The following SRPK2 variants were observed in gnomAD, a reference collection of about 807,000 sequenced individuals.
SRPK2 encodes the protein SRSF protein kinase 2, also known as SFRS protein kinase 2.
Under a neutral mutation model 90.8 loss-of-function variants are expected in SRPK2, and 21 were observed. The ratio of observed to expected loss-of-function variants is 0.23; its 90% CI spans 0.16 to 0.33. SRPK2 has a LOEUF of 0.33. Among genes scored for constraint, SRPK2 ranks in the 10% least tolerant of loss-of-function variants. SRPK2 has a pLI of 1.00. For missense variants in SRPK2, 620 were observed against 869.0 expected (o/e 0.71, Z 3.60); for synonymous variants, 288 against 311.1 (o/e 0.93, Z 0.78).
chr7:105,155,989 G>C (rs1563000526), intron 7 of SRPK2, among the ~76,000 whole-genome samples: 1 of 152,158 alleles, frequency 6.6e-6, no homozygotes, highest in Admixed American at 6.5e-5. Context: ...TAAGCTGGTA[G>C]ATTCCAGAGG....
chr7:105,348,425 CTTTTTTTTT>C (rs1198801071), intron 2 of SRPK2, among the ~76,000 whole-genome samples: 1 of 117,592 alleles, frequency 8.5e-6, no homozygotes, highest in African/African-American at 3.2e-5. Context: ...TTTTTTCTTT[CTTTTTTTTT>C]TTTTTTTTGA....
At chr7:105,246,168 A>T (rs768518275) in intron 2 of SRPK2, among the ~76,000 whole-genome samples, 3 of 152,214 alleles carry the variant, frequency 2.0e-5, no homozygotes, top group Non-Finnish European at 4.4e-5. Context: ...ACTTTCTTTC[A>T]AAGATATTTA....
chr7:105,346,048 G>A (rs1346008108), intron 2 of SRPK2, among the ~76,000 whole-genome samples: 1 of 152,182 alleles, frequency 6.6e-6, no homozygotes, highest in East Asian at 1.9e-4. Context: ...TTAAAAAAGA[G>A]TGCAAAATTT....
At chr7:105,341,357 C>CAAAAAAAAA (rs746893526) in intron 2 of SRPK2, among the ~76,000 whole-genome samples, 15 of 66,712 alleles carry the variant, frequency 2.2e-4, no homozygotes, top group African/African-American at 8.8e-4. Context: ...GACTCCGTCT[C>CAAAAAAAAA]AAAAAAAAAA....
chr7:105,282,810 TATAAA>T (rs1807521263), intron 2 of SRPK2, among the ~76,000 whole-genome samples: 2 of 151,216 alleles, frequency 1.3e-5, no homozygotes, highest in Non-Finnish European at 3.0e-5. Context: ...TACATTAAAT[TATAAA>T]ATAAAATAAA....
At chr7:105,343,439 AAAC>A (rs894679444) in intron 2 of SRPK2, among the ~76,000 whole-genome samples, 7 of 152,330 alleles carry the variant, frequency 4.6e-5, no homozygotes, top group Middle Eastern at 3.4e-3. Context: ...GACTCAAAAA[AAAC>A]AACAACAAAA....
intron 2 of SRPK2, among the ~76,000 whole-genome samples, chr7:105,294,322 C>T (rs1196396633): frequency 6.6e-6 from 1 of 152,020 alleles, no homozygotes; most frequent in Non-Finnish European, 1.5e-5. Context: ...TATTGTTTAC[C>T]AGCACTGTAT....
intron 2 of SRPK2, among the ~76,000 whole-genome samples, chr7:105,349,183 G>A (rs1178367935): frequency 2.1e-5 from 3 of 142,308 alleles, no homozygotes; most frequent in Non-Finnish European, 4.6e-5. Flanking sequence ...GGGGAGGGGA[G>A]GGGATGGAGG....
intron 3 of SRPK2, among the ~76,000 whole-genome samples, chr7:105,191,701 T>C (rs556880353): frequency 4.6e-4 from 70 of 152,104 alleles, no homozygotes; most frequent in African/African-American, 1.6e-3. Flanking sequence ...ACTCAACAGA[T>C]TGTTGAATAA....
At chr7:105,370,354 G>A (rs1471283191) in intron 2 of SRPK2, among the ~76,000 whole-genome samples, 1 of 152,056 alleles carries the variant, frequency 6.6e-6, no homozygotes, top group African/African-American at 2.4e-5. Context: ...AATTTCAGGA[G>A]TTTGGGGGAT....
chr7:105,173,085 T>C (rs1411023555), intron 3 of SRPK2, among the ~76,000 whole-genome samples: 1 of 152,006 alleles, frequency 6.6e-6, no homozygotes, highest in Non-Finnish European at 1.5e-5. Flanking sequence ...AAAAATATTA[T>C]CTCTATAAAA....
At chr7:105,172,092 C>T (rs187755694) in intron 3 of SRPK2, among the ~76,000 whole-genome samples, 1,625 of 152,224 alleles carry the variant, frequency 0.011, 15 homozygotes, top group Middle Eastern at 0.031. Flanking sequence ...CAGGGTTTTG[C>T]CATGTTGGTC....
chr7:105,244,968 T>G, intron 2 of SRPK2: 3 of 1,351,834 alleles, frequency 2.2e-6, no homozygotes, highest in Non-Finnish European at 3.1e-6. Context: ...CAAGAAAGAC[T>G]GAGCCCCCTT....
chr7:105,246,723 T>C (rs1364234800), intron 2 of SRPK2, among the ~76,000 whole-genome samples: 1 of 152,196 alleles, frequency 6.6e-6, no homozygotes, highest in Non-Finnish European at 1.5e-5. Context: ...TATTAAAGCA[T>C]ATATATTTTT....
At chr7:105,256,356 C>T (rs973141103) in intron 2 of SRPK2, among the ~76,000 whole-genome samples, 4 of 151,998 alleles carry the variant, frequency 2.6e-5, no homozygotes, top group Non-Finnish European at 5.9e-5. Flanking sequence ...TATGTACGTA[C>T]GTATGTATGT....
intron 7 of SRPK2, among the ~76,000 whole-genome samples, chr7:105,149,356 A>G (rs1036571556): frequency 3.3e-5 from 5 of 152,340 alleles, no homozygotes; most frequent in East Asian, 1.9e-4. Context: ...GTCCAGTCAT[A>G]GTACCTTCCC....
intron 2 of SRPK2, among the ~76,000 whole-genome samples, chr7:105,206,730 T>C (rs1796276926): frequency 1.3e-5 from 2 of 152,194 alleles, no homozygotes; most frequent in South Asian, 4.1e-4. Context: ...AAAATACATG[T>C]TAGATTGCCA....
rs150538616 is a variant in SRPK2, at chr7:105,207,861, A to G, written c.72-4076T>C. ...GCACCATCAAGAAAATTTAAAGGCC[A>G]CAGAATGGGGGGAAGTACTTGTAAA... On this transcript the variant is annotated intron_variant, in intron 2 of 15. Coordinates refer to ENST00000393651, the MANE Select transcript of SRPK2 (RefSeq NM_182692.3). Among the ~76,000 whole-genome samples, 47 of 152,362 alleles carry G rather than the reference A, an allele frequency of 3.1e-4. No homozygotes were observed. The East Asian group carries it at 7.9e-3, about 26-fold the overall frequency.
At chr7:105,397,331 CT>C (rs1301286455) in intron 1 of SRPK2, among the ~76,000 whole-genome samples, 296 of 134,926 alleles carry the variant, frequency 2.2e-3, no homozygotes, top group Middle Eastern at 8.4e-3. Flanking sequence ...GAGTGACTTT[CT>C]TTTTTTTTTT....
Sources: allele counts gnomAD v4.1 joint callset (sites outside exome capture counted in the v4.1 genomes callset), GRCh38; gene constraint gnomAD v4.1.1; transcripts MANE v1.5; gene names NCBI Gene and HGNC (gene_info 2026-07-23, HGNC 2026-07-21).